Variants in AGBL1 observed in about 807,000 individuals in gnomAD.
AGBL1 encodes the protein AGBL carboxypeptidase 1, also known as cytosolic carboxypeptidase 4.
In AGBL1, 130 loss-of-function variants were observed where a neutral mutation model predicts 118.9. That is an observed-to-expected ratio of 1.09 (90% CI 0.95 to 1.26). The LOEUF (loss-of-function observed/expected upper bound fraction) is 1.26. Ranked by LOEUF, AGBL1 falls within the 50% of genes most tolerant of loss-of-function variation. AGBL1 has a pLI of 0.00. For synonymous variants in AGBL1, 555 were observed against 478.9 expected (o/e 1.16, Z -2.08); for missense variants, 1,584 against 1,298.1 (o/e 1.22, Z -3.38).
At chr15:86,463,926 CT>C (rs1352299658) in intron 18 of AGBL1, among the ~76,000 whole-genome samples, 1 of 152,078 alleles carries the variant, frequency 6.6e-6, no homozygotes, top group Non-Finnish European at 1.5e-5. Context: ...TATACAGGCT[CT>C]TTTTTGGTTC....
chr15:86,871,846 C>G (rs1253286678), intron 22 of AGBL1, among the ~76,000 whole-genome samples: 1 of 152,168 alleles, frequency 6.6e-6, no homozygotes, highest in Non-Finnish European at 1.5e-5. Context: ...CTTTCTACAT[C>G]ATCCCTCAAA....
chr15:86,636,149 G>A (rs2085078007), intron 21 of AGBL1, among the ~76,000 whole-genome samples: 2 of 152,158 alleles, frequency 1.3e-5, no homozygotes, highest in African/African-American at 4.8e-5. Context: ...CTGGAAAAGT[G>A]GCAGTATCGG....
chr15:86,781,380 G>A (rs2078333907), intron 22 of AGBL1, among the ~76,000 whole-genome samples: 1 of 151,940 alleles, frequency 6.6e-6, no homozygotes, highest in South Asian at 2.1e-4. Context: ...ATTGTTTATA[G>A]GTTTCCCTTA....
chr15:86,582,257 A>G (rs2084181588), intron 21 of AGBL1, among the ~76,000 whole-genome samples: 1 of 152,196 alleles, frequency 6.6e-6, no homozygotes, highest in African/African-American at 2.4e-5. Flanking sequence ...TGAAAAATCA[A>G]AAGAAAGACT....
chr15:86,172,977 C>T (rs756506793), intron 5 of AGBL1, among the ~76,000 whole-genome samples: 16 of 151,844 alleles, frequency 1.1e-4, no homozygotes, highest in South Asian at 4.1e-4. Context: ...ACAGGCTATA[C>T]GAGTTCCCTT....
intron 22 of AGBL1, among the ~76,000 whole-genome samples, chr15:86,757,540 A>G (rs1366382697): frequency 1.3e-5 from 2 of 152,120 alleles, no homozygotes; most frequent in Non-Finnish European, 2.9e-5. Context: ...TACAGAGGGA[A>G]AAACCAAGGC....
chr15:86,266,147 C>A (rs543240283), intron 11 of AGBL1, among the ~76,000 whole-genome samples: 139 of 152,322 alleles, frequency 9.1e-4, no homozygotes, highest in African/African-American at 3.2e-3. Context: ...AACATCACTA[C>A]TTCCTACATT....
At position 86,195,754 on chromosome 15, in the gene AGBL1, G is replaced by A. The variant is rs117341752; in HGVS notation, c.489-29160G>A. Among the ~76,000 whole-genome samples, 1,151 of 152,254 alleles carry A rather than the reference G, an allele frequency of 7.6e-3. 11 individuals carry two copies. The highest frequency in any genetic ancestry group is 0.014 in the Middle Eastern group (4 of 294). ...AAATGGCAACTAAACCACAGAGCAG[G>A]ATAGCAAAAATATAGATACTGGCTA... is the stretch of plus-strand genomic sequence containing the variant. On this transcript the variant is annotated intron_variant, in intron 5 of 22. Transcript: ENST00000614907.
rs540663530 is a variant in AGBL1, at chr15:86,843,685, C to A, written c.3159-63402C>A. ...CTTGTAACTGAATTTGATGGCTAGACCTTGACCTTCAAGAATCATATACTG... is the reference window on the plus strand; with the variant it reads ...CTTGTAACTGAATTTGATGGCTAGAACTTGACCTTCAAGAATCATATACTG... On this transcript the variant is annotated intron_variant, in intron 22 of 22. Transcript: ENST00000614907. 1.3e-4 allele frequency among the ~76,000 whole-genome samples: 20 copies of A among 152,212 alleles called. No homozygotes were observed. The East Asian group carries it at 1.7e-3, about 13-fold the overall frequency.
At chr15:86,246,494 C>T (rs937740686) in intron 6 of AGBL1, among the ~76,000 whole-genome samples, 10 of 152,188 alleles carry the variant, frequency 6.6e-5, no homozygotes, top group South Asian at 2.1e-4. Context: ...TTAAAGAAAA[C>T]GCACATGAAG....
At chr15:86,925,697 T>G (rs1234650507) in intron 23 of AGBL1, among the ~76,000 whole-genome samples, 2 of 150,130 alleles carry the variant, frequency 1.3e-5, no homozygotes, top group Non-Finnish European at 3.0e-5. Flanking sequence ...TCTTTTTTTC[T>G]TTTTTCTTTT....
At chr15:86,864,873 T>C (rs2079604019) in intron 22 of AGBL1, among the ~76,000 whole-genome samples, 2 of 152,212 alleles carry the variant, frequency 1.3e-5, no homozygotes, top group South Asian at 2.1e-4. Context: ...ATCAGTCTTA[T>C]TGGTTGGAAT....
At chr15:86,922,030 C>G (rs1241376389) in intron 23 of AGBL1, among the ~76,000 whole-genome samples, 1 of 152,022 alleles carries the variant, frequency 6.6e-6, no homozygotes, top group East Asian at 1.9e-4. Context: ...TGGACTTAGT[C>G]GTAATTTTTC....
At chr15:86,614,745 T>A (rs2142397670) in intron 21 of AGBL1, among the ~76,000 whole-genome samples, 1 of 152,314 alleles carries the variant, frequency 6.6e-6, no homozygotes, top group South Asian at 2.1e-4. Flanking sequence ...CAACTCCAAG[T>A]AAGTGCTCAA....
intron 24 of AGBL1, among the ~76,000 whole-genome samples, chr15:87,002,904 T>C (rs1251053050): frequency 2.0e-5 from 3 of 152,214 alleles, no homozygotes; most frequent in African/African-American, 7.2e-5. Flanking sequence ...TTTCTAGATA[T>C]ACAATCATGT....
intron 22 of AGBL1, among the ~76,000 whole-genome samples, chr15:86,898,788 A>G (rs1321343125): frequency 6.6e-6 from 1 of 152,236 alleles, no homozygotes; most frequent in Non-Finnish European, 1.5e-5. Context: ...TATGAAAAAA[A>G]AAGCTCAACA....
intron 17 of AGBL1, among the ~76,000 whole-genome samples, chr15:86,363,970 T>G (rs2080842344): frequency 6.6e-6 from 1 of 152,216 alleles, no homozygotes; most frequent in Admixed American, 6.5e-5. Context: ...AGCTTTTATA[T>G]TCTACCTATA....
intron 22 of AGBL1, among the ~76,000 whole-genome samples, chr15:86,705,442 C>T (rs1003992015): frequency 9.9e-5 from 15 of 152,118 alleles, no homozygotes; most frequent in African/African-American, 3.6e-4. Flanking sequence ...TAATTTCAAA[C>T]TCATAGAGTT....
At position 86,492,747 on chromosome 15, in the gene AGBL1, G is replaced by A. The variant is rs192009012; in HGVS notation, c.2556-30063G>A. On this transcript the variant is annotated intron_variant, in intron 18 of 22. Transcript: ENST00000614907. ...CTTAAGAAAGATTATTTTGAGGGTA[G>A]TGTAGAAGGGAAGAAGAAGATCAGG... Among the ~76,000 whole-genome samples the A allele has an allele frequency of 5.9e-5, 9 of 152,238 alleles. No homozygotes were observed. In the East Asian group the frequency reaches 1.7e-3, roughly 29 times the overall value.
Sources: allele counts gnomAD v4.1 joint callset (sites outside exome capture counted in the v4.1 genomes callset), GRCh38; gene constraint gnomAD v4.1.1; transcripts MANE v1.5; gene names NCBI Gene and HGNC (gene_info 2026-07-23, HGNC 2026-07-21).